GOLGA8H: variants seen among roughly 807,000 people sequenced by gnomAD.
The protein encoded by GOLGA8H is golgin subfamily A member 8H.
A neutral mutation model predicts 82.7 loss-of-function variants in GOLGA8H; 47 were observed. The observed-to-expected ratio is 0.57, with a 90% confidence interval of 0.45 to 0.73. The LOEUF (loss-of-function observed/expected upper bound fraction) is 0.73. Among genes scored for constraint, GOLGA8H ranks in the 30% least tolerant of loss-of-function variants. The probability of loss-of-function intolerance (pLI) is 0.00; values close to 1 mark genes in which losing one functional copy is unlikely to be tolerated. For synonymous variants in GOLGA8H, 108 were observed against 241.6 expected (o/e 0.45, Z 5.13); for missense variants, 372 against 661.0 (o/e 0.56, Z 4.79).
chr15:30,609,858 G>T lies in GOLGA8H; in HGVS notation c.644G>T (p.Arg215Leu), dbSNP rs757369233. 2 of 1,601,220 alleles carry T rather than the reference G, an allele frequency of 1.2e-6. No homozygotes were observed. Among genetic ancestry groups the T allele is most frequent in the African/African-American group, 2.7e-5 (2 of 74,040 alleles). ...RTEWKLEQSM[R>L]EEALLKVQLT... ...GAGTGGAAGTTAGAGCAGTCCATGC[G>T]GGAGGAGGCACTACTGAAAGTGCAG... Residue 215 changes from arginine (R) to leucine (L), a missense_variant, in exon 9 of 19, where the codon CGG becomes CTG. By Grantham distance (102) the Arg-to-Leu change is moderately radical (BLOSUM62 -2). Coordinates refer to ENST00000566740, the MANE Select transcript of GOLGA8H (RefSeq NM_001282490.2).
intron 13 of GOLGA8H, chr15:30,612,241 T>C (rs2060032031): frequency 7.6e-6 from 1 of 131,382 alleles, no homozygotes. Context: ...AGCCACCACA[T>C]GCCCTCACAC....
chr15:30,612,589 C>T lies in GOLGA8H; in HGVS notation c.1201-8C>T, dbSNP rs1284108628. 3 of 1,596,538 alleles carry T rather than the reference C, an allele frequency of 1.9e-6. No individual in the cohort carries two copies. The highest frequency in any genetic ancestry group is 2.2e-5 in the South Asian group (2 of 90,474). ...TCCACCCCTTCTCACTCTGTCCTGG[C>T]CCCTTAGGAGCACCTGGAAGCTGCC... is the stretch of plus-strand genomic sequence containing the variant. On this transcript the variant is annotated splice_polypyrimidine_tract_variant and splice_region_variant and intron_variant, in intron 13 of 18. Transcript: ENST00000566740.
chr15:30,610,672 C>G (rs2060004825), intron 11 of GOLGA8H, 94 bp from the exon 12 acceptor site: 3 of 655,018 alleles, frequency 4.6e-6, no homozygotes, highest in South Asian at 3.8e-5. Context: ...GCAGTGAGGC[C>G]AAGTTTGAGG....
At position 30,613,804 on chromosome 15, in the gene GOLGA8H, A is replaced by G; in HGVS notation, c.1403A>G (p.Asp468Gly). 6.3e-7 allele frequency: 1 copy of G among 1,597,470 alleles called. No homozygotes were observed. Among genetic ancestry groups the G allele is most frequent in the South Asian group, 1.1e-5 (1 of 90,836 alleles). ...SFMDHLEEKA[D>G]LSELVKKKEL... ...ATGGACCACCTGGAGGAGAAGGCAGACCTGAGTGAGCTGGTGAAGAAAAAA... is the reference window on the plus strand; with the variant it reads ...ATGGACCACCTGGAGGAGAAGGCAGGCCTGAGTGAGCTGGTGAAGAAAAAA... The change falls in exon 16 of 19, where the codon GAC becomes GGC. Residue 468 changes from aspartate (D) to glycine (G), a missense_variant. Transcript: ENST00000566740.
chr15:30,615,855 T>C lies in GOLGA8H; in HGVS notation c.*1294T>C, dbSNP rs1410683833. ...TTATTATAAACTAATATATGTGAGA[T>C]ACTTAGTTGAAACAAAAAGGAGTTT... On this transcript the variant is annotated 3_prime_UTR_variant, in exon 19 of 19. Transcript: ENST00000566740. 3.4e-5 allele frequency among the ~76,000 whole-genome samples: 5 copies of C among 145,508 alleles called. No individual in the cohort carries two copies. The highest frequency in any genetic ancestry group is 7.5e-5 in the Non-Finnish European group (5 of 66,382).
chr15:30,608,723 T>C lies in GOLGA8H; in HGVS notation c.558T>C (p.Asn186=). The change falls in exon 8 of 19, where the codon AAT becomes AAC. Residue 186 remains asparagine (N), a synonymous_variant. Coordinates refer to ENST00000566740, the MANE Select transcript of GOLGA8H (RefSeq NM_001282490.2). ...GAGAGTTAGAGAGTGTTCTCTCTAATGTCATGGCCACACAGAAGAAGAAGG... is the reference window on the plus strand; with the variant it reads ...GAGAGTTAGAGAGTGTTCTCTCTAACGTCATGGCCACACAGAAGAAGAAGG... The part of the protein sequence containing the change: ...RKGELESVLS[N]VMATQKKKAN... 1 of 1,508,568 alleles carries C rather than the reference T, an allele frequency of 6.6e-7. No individual in the cohort carries two copies. The highest frequency in any genetic ancestry group is 9.0e-7 in the Non-Finnish European group (1 of 1,113,596). 93.4% of individuals were successfully genotyped at this position (1,508,568 alleles called of 1,614,324 possible).
In GOLGA8H at chr15:30,608,536, C is replaced by G. The variant is rs767363049; in HGVS notation, c.466C>G (p.Leu156Val). 2.5e-6 allele frequency: 4 copies of G among 1,610,514 alleles called. No homozygotes were observed. The highest frequency in any genetic ancestry group is 2.2e-4 in the Middle Eastern group (1 of 4,648). ...NTDLYHMKRS[L>V]RYFEEKSKDL... ...GGACCTGTACCACATGAAACGTTCT[C>G]TCAGATACTTTGAAGGTGGGAATCT... The change falls in exon 7 of 19, where the codon CTC (leucine) becomes GTC (valine). Residue 156 changes from leucine to valine, a missense_variant. Leu to Val is a conservative substitution (Grantham distance 32, BLOSUM62 1). Transcript: ENST00000566740.
chr15:30,610,182 G>T, intron 10 of GOLGA8H, 76 bp downstream of exon 10: 11 of 1,593,212 alleles, frequency 6.9e-6, no homozygotes, highest in Non-Finnish European at 2.6e-6. Flanking sequence ...AATGGGAATA[G>T]TAGAGCCAGA....
Position 30,617,702 on chromosome 15 carries a change from A to T in GOLGA8H, c.*3141A>T, listed in dbSNP as rs2140865643. ...ATTTTTCCCTAGAGTGGCCTTATTGACTGCTGGTGTGATGCCACTGTAATG... is the reference window on the plus strand; with the variant it reads ...ATTTTTCCCTAGAGTGGCCTTATTGTCTGCTGGTGTGATGCCACTGTAATG... On this transcript the variant is annotated 3_prime_UTR_variant, in exon 19 of 19. Coordinates refer to ENST00000566740, the MANE Select transcript of GOLGA8H (RefSeq NM_001282490.2). The T allele has an allele frequency of 1.3e-5, 2 of 152,388 alleles. No homozygotes were observed. Among genetic ancestry groups the T allele is most frequent in the South Asian group, 4.1e-4 (2 of 4,826 alleles). 9.4% of individuals were successfully genotyped at this position (152,388 alleles called of 1,614,324 possible).
At position 30,609,118 on chromosome 15, in the gene GOLGA8H, C is replaced by CGTGTGT. The variant is rs57392338; in HGVS notation, c.591+384_591+389dup. Among the ~76,000 whole-genome samples the CGTGTGT allele has an allele frequency of 2.4e-3, 204 of 85,610 alleles. 3 individuals carry two copies. Among genetic ancestry groups the CGTGTGT allele is most frequent in the Middle Eastern group, 6.1e-3 (1 of 164 alleles). 56.2% of individuals were successfully genotyped at this position (85,610 alleles called of 152,430 possible). On this transcript the variant is annotated intron_variant, in intron 8 of 18. Coordinates refer to ENST00000566740, the MANE Select transcript of GOLGA8H (RefSeq NM_001282490.2). ...TCTGTAGAAAGAGGAAACGTGTGTG[C>CGTGTGT]GTGTGTGTGTGTGTGTGTGTGTGTG...
At chr15:30,608,434 T>G (rs79226001) in intron 6 of GOLGA8H, 33 bp from the exon 7 acceptor site, 172,848 of 1,597,622 alleles carry the variant, frequency 0.11, 11,159 homozygotes, top group South Asian at 0.13. Context: ...TCTTTCCTTC[T>G]CTTTCAGCAC....
intron 6 of GOLGA8H, 36 bp downstream of exon 6, chr15:30,608,414 G>C (rs541118348): frequency 6.4e-7 from 1 of 1,574,784 alleles, no homozygotes. Flanking sequence ...CCTGTCCTCC[G>C]GAGAAGGTTT....
At chr15:30,609,651 A>C (rs1364200540) in intron 8 of GOLGA8H, among the ~76,000 whole-genome samples, 155 bp from the exon 9 acceptor site, 1 of 151,656 alleles carries the variant, frequency 6.6e-6, no homozygotes, top group Non-Finnish European at 1.5e-5. Context: ...TTCCAACTTT[A>C]CTGTGTTCTT....
chr15:30,608,459 T>C lies in GOLGA8H; in HGVS notation c.397-8T>C. The C allele has an allele frequency of 6.2e-7, 1 of 1,609,346 alleles. No individual in the cohort carries two copies. The highest frequency in any genetic ancestry group is 8.5e-7 in the Non-Finnish European group (1 of 1,179,368). The stretch of plus-strand genomic sequence containing the variant: ...TCTTTCAGCACTTGCTTGGCTTTTC[T>C]CCCAAAGGTTCAAATCCAGACATTG... On this transcript the variant is annotated splice_region_variant and splice_polypyrimidine_tract_variant and intron_variant, in intron 6 of 18. Transcript: ENST00000566740.
intron 12 of GOLGA8H, 38 bp downstream of exon 12, chr15:30,611,060 A>G (rs1421036432): frequency 3.5e-6 from 2 of 564,360 alleles, no homozygotes; most frequent in South Asian, 4.1e-5. Flanking sequence ...CCTCCTCCCT[A>G]GCCCTCCGGG....
chr15:30,610,090 G>T lies in GOLGA8H; in HGVS notation c.770G>T (p.Arg257Ile), dbSNP rs2140833552. 2.5e-6 allele frequency: 4 copies of T among 1,611,068 alleles called. 1 individual carries two copies. Among genetic ancestry groups the T allele is most frequent in the Non-Finnish European group, 3.4e-6 (4 of 1,179,686 alleles). ...GERARWQQRMRKMSQEICTLK... is the reference protein window; with the variant it reads ...GERARWQQRMIKMSQEICTLK... ...AGGGCCCGGTGGCAGCAGAGGATGAGAAAAATGTCGCAGGAGGTGAGATCT... is the reference window on the plus strand; with the variant it reads ...AGGGCCCGGTGGCAGCAGAGGATGATAAAAATGTCGCAGGAGGTGAGATCT... The change falls in exon 10 of 19, where the codon AGA becomes ATA. Residue 257 changes from arginine to isoleucine, a missense_variant. Coordinates refer to ENST00000566740, the MANE Select transcript of GOLGA8H (RefSeq NM_001282490.2).
Position 30,610,127 on chromosome 15 carries a change from C to T in GOLGA8H, c.786+21C>T, listed in dbSNP as rs747738471. On this transcript the variant is annotated intron_variant, in intron 10 of 18. Transcript: ENST00000566740. ...AGGAGGTGAGATCTCACCCTTCAGC[C>T]CCCCCACATTAGATAGGTCACTGGA... 3.7e-6 allele frequency: 6 copies of T among 1,609,774 alleles called. 1 individual carries two copies. Among genetic ancestry groups the T allele is most frequent in the South Asian group, 3.3e-5 (3 of 90,958 alleles).
intron 2 of GOLGA8H, among the ~76,000 whole-genome samples, 183 bp downstream of exon 2, chr15:30,606,145 G>T (rs543674130): frequency 6.6e-6 from 1 of 151,758 alleles, no homozygotes; most frequent in South Asian, 2.1e-4. Context: ...ATGAGGTCAG[G>T]CGATCGAGAC....
In GOLGA8H at chr15:30,613,124, G is replaced by A. The variant is rs759426275; in HGVS notation, c.1297G>A (p.Asp433Asn). ...CACAGGACACGGAGGAGAACATCTG[G>A]ACAGTGAGGGGGAGGAGGCACCTCG... ...PGEGHGGEHL[D>N]SEGEEAPRPM... Residue 433 changes from aspartate (D) to asparagine (N), a missense_variant, in exon 15 of 19, where the codon GAC (aspartate) becomes AAC (asparagine). Transcript: ENST00000566740. 16 of 1,223,690 alleles carry A rather than the reference G, an allele frequency of 1.3e-5. No homozygotes were observed. In the South Asian group the frequency reaches 2.0e-4, roughly 16 times the overall value. The allele number at this position is 1,223,690 out of a possible 1,614,324, so 75.8% of individuals were successfully genotyped here.
Sources: allele counts gnomAD v4.1 joint callset (sites outside exome capture counted in the v4.1 genomes callset), GRCh38; gene constraint gnomAD v4.1.1; transcripts MANE v1.5; gene names NCBI Gene and HGNC (gene_info 2026-07-23, HGNC 2026-07-21).